Variants in MPO observed in about 807,000 individuals in gnomAD.
MPO encodes myeloperoxidase.
In MPO, 57 loss-of-function variants were observed where a neutral mutation model predicts 69.4. That is an observed-to-expected ratio of 0.82 (90% CI 0.66 to 1.02). MPO has a LOEUF of 1.02. Ranked by LOEUF, MPO falls within the 50% of genes least tolerant of loss-of-function variation. The pLI, the probability that MPO is intolerant of heterozygous loss-of-function variation, is 0.00. For missense variants in MPO, 971 were observed against 1,014.1 expected (o/e 0.96, Z 0.58); for synonymous variants, 426 against 417.1 (o/e 1.02, Z -0.26).
At chr17:58,279,498 T>C (rs1970485286) in intron 4 of MPO, 25 bp downstream of exon 4, 2 of 1,613,148 alleles carry the variant, frequency 1.2e-6, no homozygotes, top group African/African-American at 1.3e-5. Flanking sequence ...GCCCGGTTCC[T>C]GCAGCCACCC....
In MPO at chr17:58,275,422, C is replaced by T; in HGVS notation, c.1365+120G>A. ...TTTCATATATGTATTATAATCCTTA[C>T]AGCCTCATGGATGAAGAAGGCAAGG... On this transcript the variant is annotated intron_variant, in intron 8 of 11. Transcript: ENST00000225275. This position sits in a 1 kb window ranked among gnomAD's most constrained non-coding sequence, Gnocchi z 4.1. 7.9e-7 allele frequency: 1 copy of T among 1,270,104 alleles called. No homozygotes were observed. Among genetic ancestry groups the T allele is most frequent in the Non-Finnish European group, 1.1e-6 (1 of 880,414 alleles). 78.7% of individuals were successfully genotyped at this position (1,270,104 alleles called of 1,614,324 possible). A position where few individuals can be genotyped will look rare whatever the true frequency, so the allele number is the denominator to read the frequency against.
chr17:58,279,491 C>G (rs143508982), intron 4 of MPO, 32 bp downstream of exon 4: 47 of 1,612,908 alleles, frequency 2.9e-5, no homozygotes, highest in Non-Finnish European at 3.9e-5. Flanking sequence ...TCTCTGAGCC[C>G]GGTTCCTGCA....
At position 58,279,511 on chromosome 17, in the gene MPO, A is replaced by C; in HGVS notation, c.548+12T>G. On this transcript the variant is annotated intron_variant, in intron 4 of 11. Coordinates refer to ENST00000225275, the MANE Select transcript of MPO (RefSeq NM_000250.2). ...GAGCCCGGTTCCTGCAGCCACCCCC[A>C]GCCAGCCGCACCTGTTGTTGCACAT... The C allele has an allele frequency of 2.5e-6, 4 of 1,613,674 alleles. No homozygotes were observed. The highest frequency in any genetic ancestry group is 1.1e-5 in the South Asian group (1 of 91,034).
Position 58,273,571 on chromosome 17 carries a change from T to C in MPO, c.1464A>G (p.Pro488=). 2 of 1,614,212 alleles carry C rather than the reference T, an allele frequency of 1.2e-6. No individual in the cohort carries two copies. Among genetic ancestry groups the C allele is most frequent in the Non-Finnish European group, 1.7e-6 (2 of 1,180,032 alleles). The stretch of plus-strand genomic sequence containing the variant: ...CATTGGTGAAGACGTTGGCGATGCG[T>C]GGGTCCACTGAGTCATTGTAGGAAC... The part of the protein sequence containing the change: ...TYRSYNDSVD[P]RIANVFTNAF... The change falls in exon 9 of 12, where the codon CCA becomes CCG. Residue 488 remains proline, a synonymous_variant. Coordinates refer to ENST00000225275, the MANE Select transcript of MPO (RefSeq NM_000250.2).
At chr17:58,272,112 CTCTG>C (rs920920357) in intron 10 of MPO, among the ~76,000 whole-genome samples, 10 of 152,198 alleles carry the variant, frequency 6.6e-5, no homozygotes, top group African/African-American at 2.4e-4. Context: ...CTGGGACCCT[CTCTG>C]TCTTTCTCTT....
chr17:58,279,475 G>A, intron 4 of MPO, 48 bp downstream of exon 4: 1 of 1,612,528 alleles, frequency 6.2e-7, no homozygotes, highest in South Asian at 1.1e-5. Context: ...TGGCGTCCGG[G>A]ACGCCTCTCT....
At chr17:58,274,058 A>G (rs1970403384) in intron 8 of MPO, 1 of 414,534 alleles carries the variant, frequency 2.4e-6, no homozygotes, top group South Asian at 1.8e-5. Flanking sequence ...TATCTTATAA[A>G]GTCCTTGAGA....
rs1970424546 is a variant in MPO, at chr17:58,275,491, G to A, written c.1365+51C>T. On this transcript the variant is annotated intron_variant, in intron 8 of 11. Coordinates refer to ENST00000225275, the MANE Select transcript of MPO (RefSeq NM_000250.2). This position sits in a 1 kb window ranked among gnomAD's most constrained non-coding sequence, Gnocchi z 4.1. ...TTGCCCAAGGTCACACAGCTAGGAT[G>A]TTGCAGGGACACATCTGGATCCCGT... The A allele has an allele frequency of 6.2e-7, 1 of 1,612,030 alleles. No individual in the cohort carries two copies.
At chr17:58,278,912 T>C (rs1318490389) in intron 6 of MPO, 96 bp downstream of exon 6, 8 of 1,406,146 alleles carry the variant, frequency 5.7e-6, no homozygotes, top group Non-Finnish European at 6.8e-6. Context: ...TTCCTCAGCG[T>C]CTGGGAAAGG....
In MPO at chr17:58,274,377, TG is replaced by T. The variant is rs1246809300; in HGVS notation, c.1366-709del. On this transcript the variant is annotated intron_variant, in intron 8 of 11. Coordinates refer to ENST00000225275, the MANE Select transcript of MPO (RefSeq NM_000250.2). ...GTGTGTGTGTGTGTGTGTGTGTGTG[TG>T]TGTGTGAGTGTGTGTATGTCTGCCT... Among the ~76,000 whole-genome samples the T allele has an allele frequency of 5.8e-3, 830 of 142,640 alleles. 5 individuals are homozygous for T. Among genetic ancestry groups the T allele is most frequent in the Non-Finnish European group, 9.0e-3 (579 of 64,094 alleles). The allele number at this position is 142,640 out of a possible 152,430, so 93.6% of individuals were successfully genotyped here. A position where few individuals can be genotyped will look rare whatever the true frequency, so the allele number is the denominator to read the frequency against.
rs1295599333 is a variant in MPO, at chr17:58,273,306, G to A, written c.1621+108C>T. The A allele has an allele frequency of 4.6e-6, 7 of 1,538,286 alleles. No homozygotes were observed. In the East Asian group the frequency reaches 1.6e-4, roughly 35 times the overall value. On this transcript the variant is annotated intron_variant, in intron 9 of 11. Coordinates refer to ENST00000225275, the MANE Select transcript of MPO (RefSeq NM_000250.2). ...CTAGAGAGTCAGACCAGATCTCCAA[G>A]ATGGGAGGAAAGCAGACTGCTCCCC...
intron 3 of MPO, 21 bp downstream of exon 3, chr17:58,279,818 G>A: frequency 6.2e-7 from 1 of 1,613,968 alleles, no homozygotes; most frequent in East Asian, 2.2e-5. Context: ...CAGGGACCTG[G>A]GGTGTGATGG....
At chr17:58,278,510 C>G in intron 6 of MPO, among the ~76,000 whole-genome samples, 1 of 152,128 alleles carries the variant, frequency 6.6e-6, no homozygotes, top group Non-Finnish European at 1.5e-5. Context: ...TCCTTTCTCT[C>G]CTCCTCCTTC....
At chr17:58,272,679 G>T in intron 10 of MPO, 69 bp downstream of exon 10, 1 of 1,553,170 alleles carries the variant, frequency 6.4e-7, no homozygotes, top group Admixed American at 1.7e-5. Flanking sequence ...GTGGGAAGGG[G>T]GGTGATGGGC....
At chr17:58,273,290 C>A in intron 9 of MPO, 124 bp downstream of exon 9, 1 of 1,467,316 alleles carries the variant, frequency 6.8e-7, no homozygotes, top group Non-Finnish European at 9.5e-7. Context: ...GCTAGAGAGT[C>A]AGACCAGATC....
rs777739341 is a variant in MPO at position 58,270,747 on chromosome 17, T to C, written c.2147A>G (p.Asn716Ser). 20 of 1,613,986 alleles carry C rather than the reference T, an allele frequency of 1.2e-5. No homozygotes were observed. The highest frequency in any genetic ancestry group is 1.7e-5 in the Non-Finnish European group (20 of 1,180,006). Reference sequence around the variant, plus strand: ...GGGATATGAGTTGGACATGAAGATGTTGTTCTTAGACACGGTGGTGATGCC... The same window carrying C: ...GGGATATGAGTTGGACATGAAGATGCTGTTCTTAGACACGGTGGTGATGCC... ...NTGITTVSKN[N>S]IFMSNSYPRD... is the part of the protein sequence containing the mutation. The change falls in exon 12 of 12, where the codon AAC becomes AGC. Residue 716 changes from asparagine to serine, a missense_variant. Asn to Ser is a conservative substitution (Grantham distance 46). Coordinates refer to ENST00000225275, the MANE Select transcript of MPO (RefSeq NM_000250.2). The surrounding 1 kb of genome is among the most constrained non-coding windows in gnomAD (Gnocchi z 4.1).
rs1970354351 is a variant in MPO at position 58,270,656 on chromosome 17, C to T, written c.2238G>A (p.Ter746=). ...LNLASWREAS[*] ...ACTGCTGCACCCCCTTACCTGGCCT[C>T]TAGGAGGCTTCCCTCCAGGAAGCCA... Residue 746 remains the stop codon, a stop_retained_variant, in exon 12 of 12, where the codon TAG becomes TAA. Transcript: ENST00000225275. The surrounding 1 kb of genome is among the most constrained non-coding windows in gnomAD (Gnocchi z 4.1). 2 of 1,608,380 alleles carry T rather than the reference C, an allele frequency of 1.2e-6. No individual in the cohort carries two copies. The highest frequency in any genetic ancestry group is 1.1e-5 in the South Asian group (1 of 90,180).
rs1169045476 is a variant in MPO, at chr17:58,279,074, G to A, written c.819C>T (p.Ala273=). 1.9e-6 allele frequency: 3 copies of A among 1,612,972 alleles called. No homozygotes were observed. Among genetic ancestry groups the A allele is most frequent in the Admixed American group, 3.3e-5 (2 of 59,860 alleles). ...LDFTPEPAAR[A]SFVTGVNCET... Reference sequence around the variant, plus strand: ...CGCAGTTGACGCCAGTGACGAAGGAGGCCCGGGCGGCCGGCTCAGGGGTGA... The same window carrying A: ...CGCAGTTGACGCCAGTGACGAAGGAAGCCCGGGCGGCCGGCTCAGGGGTGA... Residue 273 remains alanine, a synonymous_variant, in exon 6 of 12, where the codon GCC becomes GCT. Transcript: ENST00000225275.
chr17:58,279,420 G>A lies in MPO; in HGVS notation c.555C>T (p.Ser185=), dbSNP rs538678575. 3.1e-6 allele frequency: 5 copies of A among 1,610,052 alleles called. No individual in the cohort carries two copies. The Admixed American group carries it at 8.4e-5, about 27-fold the overall frequency. ...CACGGTTGGAGGCCCCCAGCGTGGG[G>A]CTGCGTCTGCAGGGGAGGACAGGGC... ...TITGMCNNRR[S]PTLGASNRAF... is the part of the protein sequence containing the mutation. Residue 185 remains serine, a synonymous_variant, in exon 5 of 12, where the codon AGC becomes AGT. Coordinates refer to ENST00000225275, the MANE Select transcript of MPO (RefSeq NM_000250.2).
Sources: allele counts gnomAD v4.1 joint callset (sites outside exome capture counted in the v4.1 genomes callset), GRCh38; gene constraint gnomAD v4.1.1; non-coding constraint Gnocchi (gnomAD v3.1); transcripts MANE v1.5; gene names NCBI Gene and HGNC (gene_info 2026-07-23, HGNC 2026-07-21).